The following DIAPH3 variants were observed in gnomAD, a reference collection of about 807,000 sequenced individuals.
DIAPH3 encodes the protein protein diaphanous homolog 3.
In DIAPH3, 117 loss-of-function variants were observed where a neutral mutation model predicts 144.3. The ratio of observed to expected loss-of-function variants is 0.81; its 90% CI spans 0.70 to 0.95. The LOEUF is 0.95. Among genes scored for constraint, DIAPH3 ranks in the 40% least tolerant of loss-of-function variants. DIAPH3 has a pLI of 0.00. For synonymous variants in DIAPH3, 519 were observed against 488.9 expected, an observed-to-expected ratio of 1.06 and a Z score of -0.81; for missense variants, 1,421 against 1,412.7, an observed-to-expected ratio of 1.01 and a Z score of -0.09.
At chr13:60,110,081 G>T (rs1216388351) in intron 3 of DIAPH3, among the ~76,000 whole-genome samples, 1 of 152,162 alleles carries the variant, frequency 6.6e-6, no homozygotes, top group African/African-American at 2.4e-5. Context: ...TTATTACACT[G>T]TACTTCACAT....
chr13:60,002,356 C>T (rs1271287229), intron 9 of DIAPH3, among the ~76,000 whole-genome samples: 1 of 152,148 alleles, frequency 6.6e-6, no homozygotes, highest in Non-Finnish European at 1.5e-5. Flanking sequence ...GTCATTGCTG[C>T]CCATAATATA....
chr13:60,163,455 C>G, intron 1 of DIAPH3, 132 bp downstream of exon 1: 1 of 1,277,596 alleles, frequency 7.8e-7, no homozygotes. Context: ...CGGTCGTTGT[C>G]AATCTATGAT....
chr13:59,973,072 G>C (rs1303966794), intron 15 of DIAPH3, among the ~76,000 whole-genome samples: 1 of 152,136 alleles, frequency 6.6e-6, no homozygotes, highest in East Asian at 1.9e-4. Context: ...TCTTCTCATA[G>C]CCATAAACAT....
chr13:60,026,042 A>G (rs1236028127), intron 5 of DIAPH3, among the ~76,000 whole-genome samples: 1 of 152,138 alleles, frequency 6.6e-6, no homozygotes, highest in Admixed American at 6.5e-5. Flanking sequence ...TTATTCTTAA[A>G]TGTTTTTGTT....
intron 4 of DIAPH3, among the ~76,000 whole-genome samples, chr13:60,074,851 T>C (rs1203625326): frequency 6.6e-6 from 1 of 152,192 alleles, no homozygotes; most frequent in South Asian, 2.1e-4. Context: ...ATCAACTGCA[T>C]GACTGTACTA....
intron 27 of DIAPH3, among the ~76,000 whole-genome samples, chr13:59,742,165 C>T (rs182623368): frequency 5.3e-5 from 8 of 152,040 alleles, no homozygotes; most frequent in African/African-American, 1.9e-4. Context: ...AGAGAAACCA[C>T]CCCCATGATT....
intron 18 of DIAPH3, 90 bp downstream of exon 18, chr13:59,924,685 C>T: frequency 2.0e-6 from 3 of 1,499,146 alleles, no homozygotes; most frequent in South Asian, 1.3e-5. Flanking sequence ...ATGAAAATAG[C>T]AAATAATGAA....
chr13:60,019,246 G>C (rs530171116), intron 5 of DIAPH3, among the ~76,000 whole-genome samples: 14 of 152,242 alleles, frequency 9.2e-5, no homozygotes, highest in Non-Finnish European at 1.9e-4. Flanking sequence ...ATCTATAAAT[G>C]ATTAATTTCC....
intron 21 of DIAPH3, among the ~76,000 whole-genome samples, chr13:59,870,295 G>T (rs1206747883): frequency 6.6e-6 from 1 of 151,562 alleles, no homozygotes; most frequent in Non-Finnish European, 1.5e-5. Context: ...TATTTCTGGG[G>T]TCTCTATTCC....
intron 3 of DIAPH3, among the ~76,000 whole-genome samples, chr13:60,104,871 C>T (rs2058365147): frequency 6.6e-6 from 1 of 151,900 alleles, no homozygotes; most frequent in Non-Finnish European, 1.5e-5. Flanking sequence ...GCAGGCGGTT[C>T]GTTCACGAGG....
At chr13:59,952,733 T>C (rs1346070737) in intron 17 of DIAPH3, among the ~76,000 whole-genome samples, 2 of 152,162 alleles carry the variant, frequency 1.3e-5, no homozygotes, top group Non-Finnish European at 2.9e-5. Flanking sequence ...ATCTAGATCA[T>C]TTAAATATTT....
intron 27 of DIAPH3, among the ~76,000 whole-genome samples, chr13:59,698,576 T>C (rs2033939950): frequency 6.6e-6 from 1 of 152,206 alleles, no homozygotes; most frequent in Admixed American, 6.5e-5. Flanking sequence ...CATCTATCTT[T>C]TTAAAATCTC....
chr13:59,914,094 T>G (rs912299937), intron 19 of DIAPH3, among the ~76,000 whole-genome samples: 2 of 151,870 alleles, frequency 1.3e-5, no homozygotes, highest in African/African-American at 4.8e-5. Flanking sequence ...GGGTAAAAAA[T>G]GATGCAGAAA....
intron 27 of DIAPH3, among the ~76,000 whole-genome samples, chr13:59,765,640 A>G (rs1489970343): frequency 6.6e-6 from 1 of 152,226 alleles, no homozygotes; most frequent in Non-Finnish European, 1.5e-5. Flanking sequence ...ACTTGTAGAA[A>G]GAGTATTTGA....
chr13:59,770,188 T>C (rs1476095803), intron 27 of DIAPH3, among the ~76,000 whole-genome samples: 1 of 152,136 alleles, frequency 6.6e-6, no homozygotes, highest in African/African-American at 2.4e-5. Context: ...GGGAAGCGGT[T>C]AACTGTGTTC....
At chr13:59,873,695 T>TC (rs1305440746) in intron 21 of DIAPH3, among the ~76,000 whole-genome samples, 1 of 120,530 alleles carries the variant, frequency 8.3e-6, no homozygotes, top group African/African-American at 2.9e-5. Context: ...TTTTTTTTTT[T>TC]CACTCTTTTT....
intron 27 of DIAPH3, among the ~76,000 whole-genome samples, chr13:59,698,563 T>G (rs942015283): frequency 6.6e-6 from 1 of 152,184 alleles, no homozygotes; most frequent in African/African-American, 2.4e-5. Context: ...CAAAAATCCC[T>G]TTCATCTATC....
rs374304649 is a variant in DIAPH3 at position 60,057,166 on chromosome 13, A to T, written c.496-14346T>A. Among the ~76,000 whole-genome samples, 61 of 151,972 alleles carry T rather than the reference A, an allele frequency of 4.0e-4. 1 individual carries two copies. In the South Asian group the frequency reaches 0.012, roughly 31 times the overall value. ...TAGAAAACCCTAAAGACTTCTCCAAAAGACTCCTAGATCTAATCAATGAAT... is the reference window on the plus strand; with the variant it reads ...TAGAAAACCCTAAAGACTTCTCCAATAGACTCCTAGATCTAATCAATGAAT... On this transcript the variant is annotated intron_variant, in intron 4 of 27. Coordinates refer to ENST00000400324, the MANE Select transcript of DIAPH3 (RefSeq NM_001042517.2).
intron 18 of DIAPH3, 95 bp from the exon 19 acceptor site, chr13:59,916,344 A>G: frequency 1.1e-6 from 1 of 936,810 alleles, no homozygotes; most frequent in Non-Finnish European, 1.7e-6. Context: ...ATAAATTCAT[A>G]AAACAAGAGA....
Sources: gnomAD v4.1 joint callset for allele counts (sites outside exome capture counted in the v4.1 genomes callset) on GRCh38, gnomAD v4.1.1 for gene constraint, MANE v1.5 for transcripts, NCBI Gene and HGNC (gene_info 2026-07-23, HGNC 2026-07-21) for gene names.